Variants in XRRA1 observed in about 807,000 individuals in gnomAD.
XRRA1 encodes X-ray radiation resistance associated 1.
XRRA1 carries 69 observed loss-of-function variants against 80.2 expected under a neutral mutation model. That is an observed-to-expected ratio of 0.86 (90% CI 0.71 to 1.05). XRRA1 has a LOEUF of 1.05. Ranked by LOEUF, XRRA1 falls within the 50% of genes least tolerant of loss-of-function variation. The pLI is 0.00. For synonymous variants in XRRA1, 348 were observed against 389.9 expected (o/e 0.89, Z 1.27); for missense variants, 967 against 976.4 (o/e 0.99, Z 0.13).
chr11:74,937,604 T>TA (rs767004092), intron 3 of XRRA1, among the ~76,000 whole-genome samples: 2,380 of 143,664 alleles, frequency 0.017, 18 homozygotes, highest in Non-Finnish European at 0.023. Context: ...CAGATGGCAT[T>TA]AAAAAAAAAA....
intron 10 of XRRA1, among the ~76,000 whole-genome samples, chr11:74,870,205 T>A (rs1331170373): frequency 6.6e-6 from 1 of 152,214 alleles, no homozygotes; most frequent in Non-Finnish European, 1.5e-5. Context: ...AATCCCTCGG[T>A]ACCCTCAGGG....
chr11:74,870,752 T>C (rs1196048871), intron 10 of XRRA1, among the ~76,000 whole-genome samples: 1 of 152,102 alleles, frequency 6.6e-6, no homozygotes, highest in Non-Finnish European at 1.5e-5. Context: ...CCAATTCTCC[T>C]CCCCTTTTGT....
At chr11:74,863,277 C>A in intron 10 of XRRA1, 1 of 504,026 alleles carries the variant, frequency 2.0e-6, no homozygotes, top group Non-Finnish European at 3.6e-6. Flanking sequence ...TGGGCCCCTG[C>A]CTACTTCTTC....
At chr11:74,888,292 G>A (rs1056902142) in intron 10 of XRRA1, among the ~76,000 whole-genome samples, 11 of 152,130 alleles carry the variant, frequency 7.2e-5, no homozygotes, top group South Asian at 4.1e-4. Context: ...AGCCTCCACC[G>A]CTGATACCCA....
chr11:74,909,221 A>G, intron 8 of XRRA1, among the ~76,000 whole-genome samples: 1 of 152,216 alleles, frequency 6.6e-6, no homozygotes, highest in African/African-American at 2.4e-5. Flanking sequence ...CAAAGACCAG[A>G]GACACTTAAC....
intron 10 of XRRA1, among the ~76,000 whole-genome samples, chr11:74,880,257 A>C (rs1024393804): frequency 1.3e-5 from 2 of 152,038 alleles, no homozygotes; most frequent in African/African-American, 4.8e-5. Context: ...TTGCATAGAG[A>C]TGTTTGTAGT....
At chr11:74,934,010 C>CATTA (rs1944310947) in intron 4 of XRRA1, 138 bp from the exon 5 acceptor site, 2 of 769,334 alleles carry the variant, frequency 2.6e-6, no homozygotes, top group Non-Finnish European at 4.2e-6. Flanking sequence ...TTCATTCATT[C>CATTA]ATTCATTATT....
chr11:74,890,454 T>G (rs1321730563), intron 10 of XRRA1, among the ~76,000 whole-genome samples: 34 of 151,976 alleles, frequency 2.2e-4, no homozygotes, highest in East Asian at 5.8e-4. Flanking sequence ...AAGCAGGAAA[T>G]ATCTAAAATT....
At chr11:74,869,832 T>C (rs1254667976) in intron 10 of XRRA1, among the ~76,000 whole-genome samples, 1 of 152,104 alleles carries the variant, frequency 6.6e-6, no homozygotes, top group Non-Finnish European at 1.5e-5. Context: ...GACAAGCCAT[T>C]TCTCTGGGAT....
intron 8 of XRRA1, among the ~76,000 whole-genome samples, chr11:74,918,004 G>C (rs1050455984): frequency 7.3e-5 from 11 of 150,876 alleles, no homozygotes; most frequent in African/African-American, 4.9e-5. Flanking sequence ...TCTGGGACTA[G>C]AGTATTATCT....
intron 10 of XRRA1, among the ~76,000 whole-genome samples, chr11:74,891,358 T>G (rs994255790): frequency 2.6e-5 from 4 of 152,210 alleles, no homozygotes; most frequent in African/African-American, 4.8e-5. Flanking sequence ...CAACAGCCCT[T>G]CATGCTAAAA....
chr11:74,878,258 C>G, intron 10 of XRRA1, among the ~76,000 whole-genome samples: 1 of 151,528 alleles, frequency 6.6e-6, no homozygotes. Context: ...GCATAAATGT[C>G]TTCTTTTGAG....
At chr11:74,859,027 C>G in intron 12 of XRRA1, 131 bp downstream of exon 12, 4 of 1,275,542 alleles carry the variant, frequency 3.1e-6, no homozygotes, top group Non-Finnish European at 4.1e-6. Flanking sequence ...TTTCCCCACC[C>G]TGAGAATTCC....
At chr11:74,862,453 T>G (rs1036878358) in intron 11 of XRRA1, among the ~76,000 whole-genome samples, 3 of 152,212 alleles carry the variant, frequency 2.0e-5, no homozygotes, top group African/African-American at 7.2e-5. Flanking sequence ...AATGAATAAA[T>G]CAATATTTGG....
At chr11:74,880,034 G>A (rs1248687019) in intron 10 of XRRA1, among the ~76,000 whole-genome samples, 3 of 151,974 alleles carry the variant, frequency 2.0e-5, no homozygotes, top group Non-Finnish European at 1.5e-5. Context: ...AGTTTCAGAA[G>A]GAATGGTACT....
chr11:74,930,380 A>C lies in XRRA1; in HGVS notation c.352-8T>G. The C allele has an allele frequency of 6.5e-7, 1 of 1,540,994 alleles. No homozygotes were observed. Among genetic ancestry groups the C allele is most frequent in the Non-Finnish European group, 8.7e-7 (1 of 1,145,014 alleles). On this transcript the variant is annotated splice_polypyrimidine_tract_variant and splice_region_variant and intron_variant, in intron 5 of 18. Transcript: ENST00000684022. ...GAAGTCATTTTCCTTGGCCTGTAGGAAAGCATTTCAGAAAAAAAAAAAAAT... is the reference window on the plus strand; with the variant it reads ...GAAGTCATTTTCCTTGGCCTGTAGGCAAGCATTTCAGAAAAAAAAAAAAAT...
intron 10 of XRRA1, among the ~76,000 whole-genome samples, chr11:74,882,242 C>T (rs1218146291): frequency 4.5e-4 from 68 of 151,730 alleles, no homozygotes; most frequent in African/African-American, 5.8e-4. Flanking sequence ...CTTCCCTTCT[C>T]GCTTCATTTC....
At chr11:74,859,089 G>A in intron 12 of XRRA1, 69 bp downstream of exon 12, 1 of 1,490,718 alleles carries the variant, frequency 6.7e-7, no homozygotes, top group Non-Finnish European at 8.9e-7. Context: ...TGGTTTTTAG[G>A]CCAGAGCAAC....
At chr11:74,912,448 C>A (rs2056127262) in intron 8 of XRRA1, among the ~76,000 whole-genome samples, 1 of 152,170 alleles carries the variant, frequency 6.6e-6, no homozygotes, top group Non-Finnish European at 1.5e-5. Flanking sequence ...ATTCTGACAA[C>A]CCTGCTGGGC....
Sources: allele counts gnomAD v4.1 joint callset (sites outside exome capture counted in the v4.1 genomes callset), GRCh38; gene constraint gnomAD v4.1.1; transcripts MANE v1.5; gene names NCBI Gene and HGNC (gene_info 2026-07-23, HGNC 2026-07-21).